Variants in AGBL4 observed in about 807,000 individuals in gnomAD.
AGBL4 encodes the protein AGBL carboxypeptidase 4, also known as cytosolic carboxypeptidase 6.
Under a neutral mutation model 66.4 loss-of-function variants are expected in AGBL4, and 58 were observed. The observed-to-expected ratio is 0.87, with a 90% CI of 0.71 to 1.09. The LOEUF (loss-of-function observed/expected upper bound fraction) is 1.09, where lower values mean the gene tolerates loss of function less well. AGBL4 is among the 50% of genes least tolerant of loss of function. The pLI is 0.00. For missense variants in AGBL4, 579 were observed against 631.0 expected, an observed-to-expected ratio of 0.92 and a Z score of 0.88; for synonymous variants, 234 against 222.9, an observed-to-expected ratio of 1.05 and a Z score of -0.44.
chr1:49,877,591 G>A (rs559589128), intron 1 of AGBL4, among the ~76,000 whole-genome samples: 1 of 152,054 alleles, frequency 6.6e-6, no homozygotes, highest in Non-Finnish European at 1.5e-5. Flanking sequence ...TTGCATCGAT[G>A]TTCATCAAGG....
At chr1:49,061,271 A>C (rs1347176458) in intron 4 of AGBL4, among the ~76,000 whole-genome samples, 1 of 151,910 alleles carries the variant, frequency 6.6e-6, no homozygotes, top group Non-Finnish European at 1.5e-5. Context: ...TGATAAAGGA[A>C]ATCAGGAGTG....
At chr1:49,676,426 C>T (rs1238463602) in intron 3 of AGBL4, among the ~76,000 whole-genome samples, 2 of 152,014 alleles carry the variant, frequency 1.3e-5, no homozygotes, top group East Asian at 1.9e-4. Context: ...AATCTAAATA[C>T]AACCCAAGTA....
intron 5 of AGBL4, among the ~76,000 whole-genome samples, chr1:49,006,254 A>G (rs1661796556): frequency 6.6e-6 from 1 of 151,940 alleles, no homozygotes; most frequent in South Asian, 2.1e-4. Context: ...CTAGTCAAAG[A>G]AAGGGGTGAT....
chr1:48,857,450 A>C (rs1934385), intron 6 of AGBL4, among the ~76,000 whole-genome samples: 148,675 of 152,284 alleles, frequency 0.98, 72,662 homozygotes, highest in East Asian at 1. Context: ...GGGCCGGGTG[A>C]GGTGGCTCGT....
chr1:49,144,610 A>T (rs1224935971), intron 4 of AGBL4, among the ~76,000 whole-genome samples: 1 of 151,990 alleles, frequency 6.6e-6, no homozygotes, highest in Non-Finnish European at 1.5e-5. Flanking sequence ...GGTTCTAGTG[A>T]CCCTGATATG....
chr1:48,702,716 A>T (rs1287193194), intron 6 of AGBL4, among the ~76,000 whole-genome samples: 1 of 152,222 alleles, frequency 6.6e-6, no homozygotes, highest in Non-Finnish European at 1.5e-5. Flanking sequence ...GTAAACAGGG[A>T]TGAAATAGAA....
intron 2 of AGBL4, among the ~76,000 whole-genome samples, chr1:49,807,132 A>G (rs1415802740): frequency 1.3e-5 from 2 of 152,098 alleles, no homozygotes; most frequent in Non-Finnish European, 2.9e-5. Flanking sequence ...CACTAGGTCA[A>G]TGTCTAGGCT....
chr1:49,110,810 T>C (rs996194928), intron 4 of AGBL4, among the ~76,000 whole-genome samples: 10 of 152,204 alleles, frequency 6.6e-5, no homozygotes, highest in African/African-American at 2.4e-4. Context: ...TGCTTATTCT[T>C]CAGTGACAAT....
chr1:49,056,015 T>G (rs1644302151), intron 4 of AGBL4, among the ~76,000 whole-genome samples: 2 of 152,098 alleles, frequency 1.3e-5, no homozygotes, highest in Non-Finnish European at 2.9e-5. Context: ...TTAACCTGAT[T>G]AAAATTAATC....
chr1:49,296,298 G>A (rs1644642022), intron 3 of AGBL4, among the ~76,000 whole-genome samples: 1 of 152,150 alleles, frequency 6.6e-6, no homozygotes, highest in South Asian at 2.1e-4. Context: ...AGCTTGTAGA[G>A]GTGGAACTAG....
At chr1:49,003,136 G>A (rs1661517878) in intron 5 of AGBL4, among the ~76,000 whole-genome samples, 1 of 152,204 alleles carries the variant, frequency 6.6e-6, no homozygotes, top group African/African-American at 2.4e-5. Flanking sequence ...GTTGGTGCAC[G>A]CCTGTAATTC....
At chr1:48,651,551 T>C (rs1013050565) in intron 8 of AGBL4, among the ~76,000 whole-genome samples, 1 of 152,330 alleles carries the variant, frequency 6.6e-6, no homozygotes. Flanking sequence ...ACTCTGTCCA[T>C]GGAAGGTGGA....
At chr1:49,981,272 C>A (rs149162788) in intron 1 of AGBL4, among the ~76,000 whole-genome samples, 1 of 152,192 alleles carries the variant, frequency 6.6e-6, no homozygotes, top group African/African-American at 2.4e-5. Flanking sequence ...AAAATGTAGA[C>A]AATGCATTAT....
intron 3 of AGBL4, among the ~76,000 whole-genome samples, chr1:49,546,558 T>C (rs1652506386): frequency 6.6e-6 from 1 of 152,170 alleles, no homozygotes; most frequent in Admixed American, 6.5e-5. Context: ...GAAATGCTAG[T>C]ACTACTTCTA....
chr1:49,344,888 T>C (rs1645608190), intron 3 of AGBL4, among the ~76,000 whole-genome samples: 1 of 152,202 alleles, frequency 6.6e-6, no homozygotes, highest in South Asian at 2.1e-4. Flanking sequence ...AGAGACAACA[T>C]GAGTAAAGCG....
intron 1 of AGBL4, among the ~76,000 whole-genome samples, chr1:49,946,457 T>C (rs185171996): frequency 7.2e-5 from 11 of 152,100 alleles, no homozygotes; most frequent in Admixed American, 7.2e-4. Context: ...TCCTGAATGA[T>C]CATTGAGTCA....
intron 3 of AGBL4, among the ~76,000 whole-genome samples, chr1:49,495,898 C>T (rs1557994489): frequency 6.6e-6 from 1 of 151,948 alleles, no homozygotes. Context: ...CTTGGGAAGC[C>T]ATTGGAATTC....
intron 6 of AGBL4, among the ~76,000 whole-genome samples, chr1:48,805,105 A>G (rs1332555415): frequency 6.6e-6 from 1 of 152,178 alleles, no homozygotes; most frequent in East Asian, 1.9e-4. Context: ...CCCATGCTAG[A>G]GATGCAGAAA....
At chr1:49,076,648 CT>C (rs1229733324) in intron 4 of AGBL4, among the ~76,000 whole-genome samples, 1 of 152,152 alleles carries the variant, frequency 6.6e-6, no homozygotes, top group African/African-American at 2.4e-5. Context: ...CATGTGCTTC[CT>C]AGAGAATGAT....
Sources: gnomAD v4.1 joint callset for allele counts (sites outside exome capture counted in the v4.1 genomes callset) on GRCh38, gnomAD v4.1.1 for gene constraint, MANE v1.5 for transcripts, NCBI Gene and HGNC (gene_info 2026-07-23, HGNC 2026-07-21) for gene names.